Variants in ZCCHC7 observed in about 807,000 individuals in gnomAD.
ZCCHC7 encodes the protein zinc finger CCHC-type containing 7.
Under a neutral mutation model 52.0 loss-of-function variants are expected in ZCCHC7, and 35 were observed. That is an observed-to-expected ratio of 0.67 (90% CI 0.51 to 0.89). The LOEUF (loss-of-function observed/expected upper bound fraction) is 0.89, where lower values mean the gene tolerates loss of function less well. ZCCHC7 is among the 40% of genes least tolerant of loss of function. The probability of loss-of-function intolerance (pLI) is 0.00; values close to 1 mark genes in which losing one functional copy is unlikely to be tolerated. For missense variants in ZCCHC7, 574 were observed against 649.1 expected, an observed-to-expected ratio of 0.88 and a Z score of 1.26; for synonymous variants, 217 against 221.5, an observed-to-expected ratio of 0.98 and a Z score of 0.18.
At chr9:37,302,272 C>G (rs1829068278) in intron 3 of ZCCHC7, 41 bp downstream of exon 3, 25 of 1,487,472 alleles carry the variant, frequency 1.7e-5, no homozygotes, top group Non-Finnish European at 2.2e-5. Context: ...TAATAATTTC[C>G]TTTGCTTCAT....
chr9:37,129,149 G>C (rs943613755), intron 2 of ZCCHC7, among the ~76,000 whole-genome samples: 1 of 152,148 alleles, frequency 6.6e-6, no homozygotes, highest in Non-Finnish European at 1.5e-5. Context: ...ACAACTCCCT[G>C]CTGCTTTCTG....
intron 2 of ZCCHC7, among the ~76,000 whole-genome samples, chr9:37,268,774 A>G (rs1230946670): frequency 2.0e-5 from 3 of 152,142 alleles, no homozygotes; most frequent in African/African-American, 7.2e-5. Flanking sequence ...TCAGCTGTGA[A>G]ACTTTATTGT....
At chr9:37,192,744 C>T (rs778969186) in intron 2 of ZCCHC7, among the ~76,000 whole-genome samples, 22 of 152,228 alleles carry the variant, frequency 1.4e-4, no homozygotes, top group East Asian at 7.7e-4. Context: ...ATCTATTAGT[C>T]GATAGATGTC....
intron 2 of ZCCHC7, among the ~76,000 whole-genome samples, chr9:37,216,819 T>A (rs1824531827): frequency 6.6e-6 from 1 of 152,220 alleles, no homozygotes; most frequent in Non-Finnish European, 1.5e-5. Context: ...ATTTTAATTG[T>A]AGTATGCATT....
chr9:37,129,177 A>G (rs1306421056), intron 2 of ZCCHC7, among the ~76,000 whole-genome samples: 1 of 152,220 alleles, frequency 6.6e-6, no homozygotes, highest in Admixed American at 6.5e-5. Flanking sequence ...TAGAGAATCT[A>G]CAGACATGCT....
chr9:37,301,061 GAT>G (rs1431187563), intron 2 of ZCCHC7, among the ~76,000 whole-genome samples: 1 of 152,098 alleles, frequency 6.6e-6, no homozygotes, highest in Non-Finnish European at 1.5e-5. Flanking sequence ...CTATTAGTGA[GAT>G]ATTATTCAGA....
chr9:37,336,598 T>G (rs1176427681), intron 6 of ZCCHC7, among the ~76,000 whole-genome samples: 2 of 152,260 alleles, frequency 1.3e-5, no homozygotes, highest in Admixed American at 6.5e-5. Flanking sequence ...ATAAACGTAA[T>G]AGAGCTATGG....
At chr9:37,334,240 A>G (rs926304180) in intron 6 of ZCCHC7, among the ~76,000 whole-genome samples, 1 of 151,948 alleles carries the variant, frequency 6.6e-6, no homozygotes, top group African/African-American at 2.4e-5. Flanking sequence ...AGTCTTTTCT[A>G]GACATTTCAG....
chr9:37,124,013 A>G (rs1842436385), intron 1 of ZCCHC7, among the ~76,000 whole-genome samples: 1 of 152,216 alleles, frequency 6.6e-6, no homozygotes, highest in Admixed American at 6.5e-5. Context: ...GTAGGAATGT[A>G]GTACATTTTT....
chr9:37,213,279 G>T (rs762709180), intron 2 of ZCCHC7, among the ~76,000 whole-genome samples: 2 of 152,094 alleles, frequency 1.3e-5, no homozygotes, highest in Non-Finnish European at 2.9e-5. Context: ...ACCTGACCTG[G>T]ATAGTGTTAT....
At chr9:37,327,894 C>T (rs1830315215) in intron 6 of ZCCHC7, 60 bp downstream of exon 6, 1 of 1,548,486 alleles carries the variant, frequency 6.5e-7, no homozygotes, top group South Asian at 1.1e-5. Flanking sequence ...CTTCTCTGAA[C>T]TGCTGACCAT....
At chr9:37,225,477 G>T (rs1327503833) in intron 2 of ZCCHC7, among the ~76,000 whole-genome samples, 1 of 151,860 alleles carries the variant, frequency 6.6e-6, no homozygotes, top group African/African-American at 2.4e-5. Context: ...CAAAACCCAG[G>T]CAAGATACTA....
At chr9:37,218,670 G>A (rs946623493) in intron 2 of ZCCHC7, among the ~76,000 whole-genome samples, 4 of 152,144 alleles carry the variant, frequency 2.6e-5, no homozygotes, top group South Asian at 2.1e-4. Context: ...TTAGCTGGGC[G>A]TGGTGGCGCG....
intron 6 of ZCCHC7, among the ~76,000 whole-genome samples, chr9:37,348,686 A>G (rs1016952458): frequency 2.0e-5 from 3 of 152,056 alleles, no homozygotes; most frequent in Admixed American, 1.3e-4. Context: ...CCCAAACTAC[A>G]ACTATCCTAA....
At chr9:37,236,989 G>T (rs1825683698) in intron 2 of ZCCHC7, among the ~76,000 whole-genome samples, 1 of 152,088 alleles carries the variant, frequency 6.6e-6, no homozygotes, top group African/African-American at 2.4e-5. Flanking sequence ...GAAGTTTCCC[G>T]TAGGTCCTAT....
chr9:37,233,901 T>C (rs1370601982), intron 2 of ZCCHC7, among the ~76,000 whole-genome samples: 1 of 152,208 alleles, frequency 6.6e-6, no homozygotes, highest in Non-Finnish European at 1.5e-5. Context: ...TCTCCCAGGC[T>C]GGAGTGCAGT....
chr9:37,296,014 C>G (rs184230437), intron 2 of ZCCHC7, among the ~76,000 whole-genome samples: 13 of 152,286 alleles, frequency 8.5e-5, no homozygotes, highest in Non-Finnish European at 1.5e-4. Flanking sequence ...TGAATATTAT[C>G]TATTTACTTT....
At chr9:37,163,993 G>C (rs889991689) in intron 2 of ZCCHC7, among the ~76,000 whole-genome samples, 2 of 151,552 alleles carry the variant, frequency 1.3e-5, no homozygotes, top group African/African-American at 4.8e-5. Context: ...GTTGTATTCT[G>C]TTTATTTGTC....
At chr9:37,307,919 C>T (rs1428957345) in intron 5 of ZCCHC7, among the ~76,000 whole-genome samples, 1 of 152,058 alleles carries the variant, frequency 6.6e-6, no homozygotes, top group Non-Finnish European at 1.5e-5. Flanking sequence ...AATTAAAAGA[C>T]GTACACTTAT....
Sources: gnomAD v4.1 joint callset for allele counts (sites outside exome capture counted in the v4.1 genomes callset) on GRCh38, gnomAD v4.1.1 for gene constraint, MANE v1.5 for transcripts, NCBI Gene and HGNC (gene_info 2026-07-23, HGNC 2026-07-21) for gene names.